The following CRACD variants were observed in gnomAD, a reference collection of about 807,000 sequenced individuals.
The protein encoded by CRACD is capping protein inhibiting regulator of actin dynamics.
A neutral mutation model predicts 106.8 loss-of-function variants in CRACD; 56 were observed. The observed-to-expected ratio is 0.52, with a 90% CI of 0.42 to 0.66. The LOEUF is 0.66. Among genes scored for constraint, CRACD ranks in the 30% least tolerant of loss-of-function variants. The pLI is 0.00. For missense variants in CRACD, 1,730 were observed against 1,623.2 expected (o/e 1.07, Z -1.13); for synonymous variants, 754 against 670.8 (o/e 1.12, Z -1.92).
Position 56,320,435 on chromosome 4 carries a change from G to A in CRACD, c.3188-2942G>A, listed in dbSNP as rs183886550. On this transcript the variant is annotated intron_variant, in intron 8 of 10. Coordinates refer to ENST00000682029, the MANE Select transcript of CRACD (RefSeq NM_001393381.1). ...ATTTTGAACTCCTCAAATAGGTGAT[G>A]CAATTGACTATCTTTCAAAACCTTG... Among the ~76,000 whole-genome samples the A allele has an allele frequency of 3.9e-4, 59 of 152,304 alleles. 1 individual carries two copies. The highest frequency in any genetic ancestry group is 1.8e-3 in the Admixed American group (28 of 15,294).
chr4:56,285,007 G>A (rs565043895), intron 3 of CRACD, among the ~76,000 whole-genome samples: 3 of 152,266 alleles, frequency 2.0e-5, no homozygotes, highest in South Asian at 4.2e-4. Context: ...ATTGACTCAC[G>A]GTTCCACAAG....
intron 2 of CRACD, among the ~76,000 whole-genome samples, chr4:56,256,676 C>G (rs993439099): frequency 4.6e-5 from 7 of 152,134 alleles, no homozygotes; most frequent in African/African-American, 4.8e-5. Flanking sequence ...GAGCAGGCCC[C>G]GAGGGCACAT....
At chr4:56,244,048 G>A (rs1740528091) in intron 2 of CRACD, among the ~76,000 whole-genome samples, 1 of 152,080 alleles carries the variant, frequency 6.6e-6, no homozygotes, top group African/African-American at 2.4e-5. Flanking sequence ...CTTTTGCTGG[G>A]AGACAGGAGG....
At chr4:56,114,273 G>T (rs987102514) in intron 1 of CRACD, among the ~76,000 whole-genome samples, 9 of 151,542 alleles carry the variant, frequency 5.9e-5, no homozygotes, top group Non-Finnish European at 1.3e-4. Flanking sequence ...TAAGAACCGG[G>T]CCTGCAAGGA....
chr4:56,153,897 A>G (rs1446333977), intron 1 of CRACD, among the ~76,000 whole-genome samples: 2 of 152,170 alleles, frequency 1.3e-5, no homozygotes, highest in Non-Finnish European at 1.5e-5. Context: ...GTCTTCCCCA[A>G]TTATGCAAGT....
chr4:56,173,087 A>G (rs1235439555), intron 1 of CRACD, among the ~76,000 whole-genome samples: 2 of 152,186 alleles, frequency 1.3e-5, no homozygotes, highest in East Asian at 3.9e-4. Flanking sequence ...TTAGACTGAA[A>G]ATTTGAAATG....
chr4:56,287,689 G>C (rs1205526682), intron 3 of CRACD, among the ~76,000 whole-genome samples: 3 of 152,136 alleles, frequency 2.0e-5, no homozygotes, highest in Admixed American at 1.3e-4. Flanking sequence ...AAAGCGTTGG[G>C]ATTATAGCCA....
intron 1 of CRACD, among the ~76,000 whole-genome samples, chr4:56,149,975 A>G (rs1221666480): frequency 1.3e-5 from 2 of 152,230 alleles, no homozygotes; most frequent in Non-Finnish European, 2.9e-5. Context: ...AACATTTGTT[A>G]TAGAAATGAC....
chr4:56,249,874 A>G (rs1201615699), intron 2 of CRACD, among the ~76,000 whole-genome samples: 1 of 152,174 alleles, frequency 6.6e-6, no homozygotes, highest in Non-Finnish European at 1.5e-5. Context: ...TATCTGATTT[A>G]TTTCCAACAT....
intron 1 of CRACD, among the ~76,000 whole-genome samples, chr4:56,161,486 A>G (rs566283601): frequency 9.2e-5 from 14 of 151,698 alleles, no homozygotes; most frequent in African/African-American, 2.9e-4. Flanking sequence ...GAGTCTCACT[A>G]TGTCACCCAG....
chr4:56,049,354 TTC>T (rs1731784667), intron 1 of CRACD, 55 bp downstream of exon 1: 1 of 151,732 alleles, frequency 6.6e-6, no homozygotes, highest in Non-Finnish European at 1.5e-5. Flanking sequence ...AGGGGCGGGC[TTC>T]TCTCCTCCAC....
chr4:56,055,954 GC>G (rs1490654549), intron 1 of CRACD, among the ~76,000 whole-genome samples: 6 of 152,170 alleles, frequency 3.9e-5, no homozygotes, highest in African/African-American at 1.4e-4. Context: ...AATTCCAAAA[GC>G]CTGTGCACAT....
intron 1 of CRACD, among the ~76,000 whole-genome samples, chr4:56,165,008 G>C: frequency 6.6e-6 from 1 of 152,128 alleles, no homozygotes; most frequent in East Asian, 1.9e-4. Context: ...GAAACAACTT[G>C]GGCAGTTGGA....
intron 1 of CRACD, among the ~76,000 whole-genome samples, chr4:56,109,746 A>G (rs1291891306): frequency 6.6e-6 from 1 of 152,036 alleles, no homozygotes; most frequent in Non-Finnish European, 1.5e-5. Context: ...AAAAAAAGTA[A>G]TCAACAGTTT....
intron 1 of CRACD, among the ~76,000 whole-genome samples, chr4:56,143,131 A>T (rs1189643325): frequency 6.6e-6 from 1 of 151,666 alleles, no homozygotes; most frequent in African/African-American, 2.4e-5. Context: ...CATTTGGAGA[A>T]TTTTTCCCCA....
chr4:56,109,965 A>G (rs2109841031), intron 1 of CRACD, among the ~76,000 whole-genome samples: 1 of 152,288 alleles, frequency 6.6e-6, no homozygotes, highest in East Asian at 1.9e-4. Flanking sequence ...AAGGACATGC[A>G]TTTTATATTG....
At chr4:56,227,336 G>A (rs4865067) in intron 2 of CRACD, among the ~76,000 whole-genome samples, 42,119 of 151,370 alleles carry the variant, frequency 0.28, 6,744 homozygotes, top group East Asian at 0.65. Context: ...CAAAAGTGCT[G>A]GAAAATTTCA....
chr4:56,238,294 C>T lies in CRACD; in HGVS notation c.-188-34027C>T, dbSNP rs148399589. ...AGAGTTGAATAGCAGGGAGCTAGAA[C>T]AGCTAGGACAGCTGGCATCCCTCTG... On this transcript the variant is annotated intron_variant, in intron 2 of 10. Transcript: ENST00000682029. Among the ~76,000 whole-genome samples, 731 of 152,328 alleles carry T rather than the reference C, an allele frequency of 4.8e-3. 8 individuals carry two copies. The highest frequency in any genetic ancestry group is 0.017 in the African/African-American group (708 of 41,564).
At chr4:56,071,957 C>G (rs989011996) in intron 1 of CRACD, among the ~76,000 whole-genome samples, 19 of 151,708 alleles carry the variant, frequency 1.3e-4, no homozygotes, top group Admixed American at 3.9e-4. Flanking sequence ...GAAACCCCGT[C>G]TCTACTAAAA....
Sources: gnomAD v4.1 joint callset for allele counts (sites outside exome capture counted in the v4.1 genomes callset) on GRCh38, gnomAD v4.1.1 for gene constraint, MANE v1.5 for transcripts, NCBI Gene and HGNC (gene_info 2026-07-23, HGNC 2026-07-21) for gene names.